Variants in CNTNAP5 observed in about 807,000 individuals in gnomAD.
CNTNAP5 encodes the protein contactin associated protein family member 5.
A neutral mutation model predicts 150.2 loss-of-function variants in CNTNAP5; 72 were observed. The observed-to-expected ratio is 0.48, with a 90% CI of 0.40 to 0.58. CNTNAP5 has a LOEUF of 0.58. CNTNAP5 is among the 20% of genes least tolerant of loss of function. The probability of loss-of-function intolerance (pLI) is 0.00; values close to 1 mark genes in which losing one functional copy is unlikely to be tolerated. For missense variants in CNTNAP5, 1,636 were observed against 1,626.2 expected, an observed-to-expected ratio of 1.01 and a Z score of -0.10; for synonymous variants, 672 against 619.8, an observed-to-expected ratio of 1.08 and a Z score of -1.25.
chr2:124,280,920 A>T (rs1414220762), intron 3 of CNTNAP5, among the ~76,000 whole-genome samples: 5 of 152,170 alleles, frequency 3.3e-5, no homozygotes, highest in Non-Finnish European at 7.4e-5. Context: ...ACCTTCCCAT[A>T]ACCAAAATAT....
At chr2:124,564,598 C>T (rs1007925165) in intron 11 of CNTNAP5, among the ~76,000 whole-genome samples, 2 of 152,134 alleles carry the variant, frequency 1.3e-5, no homozygotes, top group African/African-American at 2.4e-5. Flanking sequence ...TCGTGTTCCG[C>T]CTGCCTCAGC....
chr2:124,040,853 A>T (rs1023356500), intron 1 of CNTNAP5, among the ~76,000 whole-genome samples: 3 of 152,206 alleles, frequency 2.0e-5, no homozygotes, highest in African/African-American at 7.2e-5. Context: ...AAAATAAGGC[A>T]TTTAAATACA....
chr2:124,535,643 T>A (rs1221488361), intron 10 of CNTNAP5, among the ~76,000 whole-genome samples: 3 of 150,140 alleles, frequency 2.0e-5, no homozygotes, highest in Non-Finnish European at 3.0e-5. Flanking sequence ...TGGGTGTGGT[T>A]CTGCAGGCCT....
At chr2:124,365,601 G>C (rs1280926698) in intron 3 of CNTNAP5, among the ~76,000 whole-genome samples, 4 of 152,154 alleles carry the variant, frequency 2.6e-5, no homozygotes, top group Non-Finnish European at 5.9e-5. Flanking sequence ...TTGGGAAGCA[G>C]AGCAAAAGAT....
intron 3 of CNTNAP5, among the ~76,000 whole-genome samples, chr2:124,292,294 A>AC: frequency 6.6e-6 from 1 of 152,242 alleles, no homozygotes; most frequent in East Asian, 1.9e-4. Flanking sequence ...TTAATGTAGC[A>AC]CCAAAAGCCT....
chr2:124,827,202 A>G (rs1333562290), intron 19 of CNTNAP5, among the ~76,000 whole-genome samples: 2 of 152,036 alleles, frequency 1.3e-5, no homozygotes, highest in East Asian at 1.9e-4. Flanking sequence ...GAGATTATAG[A>G]TATGAGCCAC....
At chr2:124,741,313 A>G (rs766604666) in intron 13 of CNTNAP5, among the ~76,000 whole-genome samples, 10 of 152,170 alleles carry the variant, frequency 6.6e-5, no homozygotes, top group Non-Finnish European at 1.2e-4. Context: ...GACTGTTCAT[A>G]GCAACGGGAA....
At chr2:124,619,666 A>G (rs1414522589) in intron 12 of CNTNAP5, among the ~76,000 whole-genome samples, 1 of 151,574 alleles carries the variant, frequency 6.6e-6, no homozygotes, top group Admixed American at 6.6e-5. Context: ...GCCTTAATAG[A>G]ACAAACACTA....
At chr2:124,872,573 T>A (rs1009347024) in intron 21 of CNTNAP5, among the ~76,000 whole-genome samples, 3 of 151,470 alleles carry the variant, frequency 2.0e-5, no homozygotes, top group Admixed American at 1.3e-4. Flanking sequence ...AATTTCTCAC[T>A]TTTTTTTTCT....
rs545206037 is a variant in CNTNAP5, at chr2:124,782,599, T to G, written c.2753-7303T>G. On this transcript the variant is annotated intron_variant, in intron 17 of 23. Transcript: ENST00000682447. The stretch of plus-strand genomic sequence containing the variant: ...GAATTTTAGTTCAATTGCTCACATT[T>G]TTTTTTCATCTGTAGTTTGTAAAAT... 1.2e-3 allele frequency among the ~76,000 whole-genome samples: 180 copies of G among 152,256 alleles called. 3 individuals are homozygous for G. The highest frequency in any genetic ancestry group is 4.0e-3 in the African/African-American group (167 of 41,556).
chr2:124,410,091 A>T (rs1573974823), intron 3 of CNTNAP5, among the ~76,000 whole-genome samples: 1 of 152,220 alleles, frequency 6.6e-6, no homozygotes, highest in South Asian at 2.1e-4. Flanking sequence ...CTAGTCTCTG[A>T]TAAAATACTT....
intron 2 of CNTNAP5, among the ~76,000 whole-genome samples, chr2:124,225,787 C>T (rs1057195001): frequency 6.6e-6 from 1 of 152,030 alleles, no homozygotes; most frequent in African/African-American, 2.4e-5. Flanking sequence ...TTCTTCACAC[C>T]CCAGTCCCTC....
At position 124,872,374 on chromosome 2, in the gene CNTNAP5, CTGTGTGTGTGTGTG is replaced by C. The variant is rs56024878; in HGVS notation, c.3436+2641_3436+2654del. 7.1e-3 allele frequency among the ~76,000 whole-genome samples: 987 copies of C among 139,434 alleles called. 5 individuals are homozygous for C. Among genetic ancestry groups the C allele is most frequent in the Middle Eastern group, 0.026 (7 of 274 alleles). 91.5% of individuals were successfully genotyped at this position (139,434 alleles called of 152,430 possible). A position where few individuals can be genotyped will look rare whatever the true frequency, so the allele number is the denominator to read the frequency against. Reference sequence around the variant, plus strand: ...TCCTGTGGTAACTTGTTTCCTTATGCTGTGTGTGTGTGTGTGTGTGTGTGTGTGTGTGTGTGTGT... The same window carrying C: ...TCCTGTGGTAACTTGTTTCCTTATGCTGTGTGTGTGTGTGTGTGTGTGTGT... On this transcript the variant is annotated intron_variant, in intron 21 of 23. Coordinates refer to ENST00000682447, the MANE Select transcript of CNTNAP5 (RefSeq NM_001367498.1).
chr2:124,709,270 T>G lies in CNTNAP5; in HGVS notation c.2078-37959T>G, dbSNP rs1573563494. On this transcript the variant is annotated intron_variant, in intron 13 of 23. Transcript: ENST00000682447. ...GTGTGTGTGTGTGTGCTCTTTTTAA[T>G]AGACTTATAAATAAAAATGTCTATG... 2.0e-5 allele frequency among the ~76,000 whole-genome samples: 3 copies of G among 151,722 alleles called. No individual in the cohort carries two copies. In the South Asian group the frequency reaches 6.2e-4, roughly 32 times the overall value.
intron 3 of CNTNAP5, among the ~76,000 whole-genome samples, chr2:124,372,613 T>C (rs1690555330): frequency 6.6e-6 from 1 of 152,042 alleles, no homozygotes; most frequent in African/African-American, 2.4e-5. Flanking sequence ...GCTGGACCTA[T>C]GGATGGTAGC....
At chr2:124,756,289 A>C (rs1487016525) in intron 14 of CNTNAP5, among the ~76,000 whole-genome samples, 2 of 152,214 alleles carry the variant, frequency 1.3e-5, no homozygotes, top group African/African-American at 4.8e-5. Context: ...GGTTGTGGAG[A>C]AATAGGAACA....
At chr2:124,259,570 T>G (rs1296330637) in intron 3 of CNTNAP5, among the ~76,000 whole-genome samples, 22 of 152,182 alleles carry the variant, frequency 1.4e-4, no homozygotes, top group African/African-American at 1.4e-4. Flanking sequence ...TGAGATGGTA[T>G]CTCATTGTGG....
At chr2:124,584,030 C>G (rs1696472151) in intron 11 of CNTNAP5, among the ~76,000 whole-genome samples, 1 of 152,176 alleles carries the variant, frequency 6.6e-6, no homozygotes, top group African/African-American at 2.4e-5. Context: ...ACTCCAGCAT[C>G]TGATGAGAAG....
chr2:124,528,972 G>A (rs1273250541), intron 10 of CNTNAP5, among the ~76,000 whole-genome samples: 1 of 152,008 alleles, frequency 6.6e-6, no homozygotes, highest in Non-Finnish European at 1.5e-5. Flanking sequence ...GCGTAACTTG[G>A]TGAAAATTTA....
Sources: allele counts gnomAD v4.1 joint callset (sites outside exome capture counted in the v4.1 genomes callset), GRCh38; gene constraint gnomAD v4.1.1; transcripts MANE v1.5; gene names NCBI Gene and HGNC (gene_info 2026-07-23, HGNC 2026-07-21).